Variants in GRAMD1A observed in about 807,000 individuals in gnomAD.
GRAMD1A encodes the protein GRAM domain containing 1A.
A neutral mutation model predicts 92.0 loss-of-function variants in GRAMD1A; 50 were observed. That is an observed-to-expected ratio of 0.54 (90% CI 0.43 to 0.69). The LOEUF (loss-of-function observed/expected upper bound fraction) is 0.69. GRAMD1A is among the 30% of genes least tolerant of loss of function. The pLI, the probability that GRAMD1A is intolerant of heterozygous loss-of-function variation, is 0.00. For synonymous variants in GRAMD1A, 405 were observed against 403.6 expected, an observed-to-expected ratio of 1.00 and a Z score of -0.04; for missense variants, 819 against 978.9, an observed-to-expected ratio of 0.84 and a Z score of 2.18.
At chr19:35,011,343 T>C (rs1053786272) in intron 6 of GRAMD1A, 131 bp from the exon 7 acceptor site, 2 of 775,226 alleles carry the variant, frequency 2.6e-6, no homozygotes, top group African/African-American at 1.7e-5. Flanking sequence ...GTGGAACTAA[T>C]GCAGGGGTGA....
chr19:35,013,649 C>G lies in GRAMD1A; in HGVS notation c.828C>G (p.Val276=), dbSNP rs1175216415. The stretch of plus-strand genomic sequence containing the variant: ...CAGTGGGTTCGCGCCGTGGCCATGT[C>G]ACGCCCAACCTTTCCCGAGCCAGCA... ...PSPVGSRRGH[V]TPNLSRASSD... Residue 276 remains valine, a synonymous_variant, in exon 9 of 20, where the codon GTC becomes GTG. Coordinates refer to ENST00000317991, the MANE Select transcript of GRAMD1A (RefSeq NM_020895.5). This position sits in a 1 kb window ranked among gnomAD's most constrained non-coding sequence, Gnocchi z 4.9. 1 of 1,613,260 alleles carries G rather than the reference C, an allele frequency of 6.2e-7. No homozygotes were observed. Among genetic ancestry groups the G allele is most frequent in the Admixed American group, 1.7e-5 (1 of 59,986 alleles).
intron 11 of GRAMD1A, among the ~76,000 whole-genome samples, chr19:35,017,185 G>T (rs1028341948): frequency 7.3e-5 from 11 of 150,788 alleles, no homozygotes; most frequent in African/African-American, 2.4e-4. Context: ...AAAAAAAAAT[G>T]CTCCTGAGGC....
intron 1 of GRAMD1A, among the ~76,000 whole-genome samples, chr19:35,004,703 A>G (rs1260797922): frequency 6.6e-6 from 1 of 152,046 alleles, no homozygotes; most frequent in Non-Finnish European, 1.5e-5. Context: ...AGTGCTTGTG[A>G]GGTCCCTGTC....
At chr19:35,024,740 A>G (rs1284271333) in intron 19 of GRAMD1A, among the ~76,000 whole-genome samples, 1 of 152,124 alleles carries the variant, frequency 6.6e-6, no homozygotes, top group Non-Finnish European at 1.5e-5. Context: ...ATGAAGGCTG[A>G]GGCCCCATCA....
chr19:35,010,041 G>A (rs541376800), intron 4 of GRAMD1A, 51 bp from the exon 5 acceptor site: 8 of 1,540,168 alleles, frequency 5.2e-6, no homozygotes, highest in South Asian at 1.1e-5. Flanking sequence ...CGCGGGCGCC[G>A]GCTGAGCCTC....
chr19:35,025,696 C>G (rs2016384401), intron 19 of GRAMD1A, among the ~76,000 whole-genome samples: 2 of 152,132 alleles, frequency 1.3e-5, no homozygotes, highest in Non-Finnish European at 2.9e-5. Flanking sequence ...TCTTCAGAAC[C>G]CTGAAATAAT....
intron 11 of GRAMD1A, among the ~76,000 whole-genome samples, chr19:35,017,411 C>T (rs2015720106): frequency 6.6e-6 from 1 of 152,134 alleles, no homozygotes; most frequent in Admixed American, 6.6e-5. Context: ...CACAAGGCAC[C>T]ATCTTCCTGA....
At chr19:35,008,918 C>T (rs1198376395) in intron 1 of GRAMD1A, among the ~76,000 whole-genome samples, 1 of 152,186 alleles carries the variant, frequency 6.6e-6, no homozygotes, top group Non-Finnish European at 1.5e-5. Context: ...ATTTATCATC[C>T]CTGGATTACT....
upstream of GRAMD1A, chr19:35,000,177 C>A: frequency 9.9e-7 from 1 of 1,011,064 alleles, no homozygotes; most frequent in South Asian, 4.6e-5. The surrounding 1 kb of genome is among the most constrained non-coding windows in gnomAD (Gnocchi z 4.9). Flanking sequence ...CTGTCCAGTC[C>A]CTCTCTCCCC....
chr19:35,014,262 C>T lies in GRAMD1A; in HGVS notation c.944C>T (p.Ala315Val). The change falls in exon 10 of 20, where the codon GCT becomes GTT. Residue 315 changes from alanine (A) to valine (V), a missense_variant. Physicochemically the swap from Ala to Val is moderately conservative, Grantham distance 64. Around this residue, in one of 3 missense-constraint regions of GRAMD1A, gnomAD observed 577 missense variants for 674.6 expected, o/e 0.86. Transcript: ENST00000317991. ...ASSSQTVTPV[A>V]EPPSTEPTQP... ...TCCAGCCAGACAGTGACCCCGGTGG[C>T]TGAACCCCCGAGCACAGAGCCCACC... 1 of 1,614,148 alleles carries T rather than the reference C, an allele frequency of 6.2e-7. No homozygotes were observed. Among genetic ancestry groups the T allele is most frequent in the South Asian group, 1.1e-5 (1 of 91,088 alleles).
At position 35,010,195 on chromosome 19, in the gene GRAMD1A, G is replaced by A. The variant is rs201993760; in HGVS notation, c.429G>A (p.Thr143=). 18 of 1,609,182 alleles carry A rather than the reference G, an allele frequency of 1.1e-5. No homozygotes were observed. Among genetic ancestry groups the A allele is most frequent in the Non-Finnish European group, 1.5e-5 (18 of 1,175,506 alleles). Residue 143 remains threonine (T), a splice_region_variant and synonymous_variant, in exon 5 of 20, where the codon ACG becomes ACA. Transcript: ENST00000317991. ...GCAACATCTTCCGCTGGGAGACCACGGTGAGCCCGCAGCGGGGCAGGGTAC... is the reference window on the plus strand; with the variant it reads ...GCAACATCTTCCGCTGGGAGACCACAGTGAGCCCGCAGCGGGGCAGGGTAC... ...FYSNIFRWET[T]ISIQLKEVTC... is the part of the protein sequence containing the mutation.
Position 35,000,456 on chromosome 19 carries a change from G to A in GRAMD1A, c.-23G>A. The A allele has an allele frequency of 1.8e-6, 2 of 1,100,520 alleles. No homozygotes were observed. The highest frequency in any genetic ancestry group is 6.2e-5 in the South Asian group (2 of 32,026). The allele number at this position is 1,100,520 out of a possible 1,614,324, so 68.2% of individuals were successfully genotyped here. A position where few individuals can be genotyped will look rare whatever the true frequency, so the allele number is the denominator to read the frequency against. Reference sequence around the variant, plus strand: ...CTGCCCTGCCCTGCCCTGCGCCCGGGGCGCGCCCACCGCGCCGCATCCATG... The same window carrying A: ...CTGCCCTGCCCTGCCCTGCGCCCGGAGCGCGCCCACCGCGCCGCATCCATG... On this transcript the variant is annotated 5_prime_UTR_variant, in exon 1 of 20. Transcript: ENST00000317991. The surrounding 1 kb of genome is among the most constrained non-coding windows in gnomAD (Gnocchi z 4.9).
chr19:35,009,073 G>C, intron 1 of GRAMD1A, 46 bp from the exon 2 acceptor site: 1 of 1,314,970 alleles, frequency 7.6e-7, no homozygotes, highest in Non-Finnish European at 1.1e-6. Flanking sequence ...CCGAATCCCA[G>C]CCTGTTTTTT....
Position 35,019,180 on chromosome 19 carries a change from C to T in GRAMD1A, c.1214-11C>T. On this transcript the variant is annotated splice_polypyrimidine_tract_variant and intron_variant, in intron 11 of 19. Coordinates refer to ENST00000317991, the MANE Select transcript of GRAMD1A (RefSeq NM_020895.5). ...GGTGTGGCCTCCTCATGCTGCTCCT[C>T]CCTCCTCTAGACGTGACGCTGAGCC... 4 of 1,574,548 alleles carry T rather than the reference C, an allele frequency of 2.5e-6. No homozygotes were observed. The highest frequency in any genetic ancestry group is 1.4e-5 in the African/African-American group (1 of 74,058).
Position 35,000,361 on chromosome 19 carries a change from C to T in GRAMD1A, c.-118C>T, listed in dbSNP as rs565580041. On this transcript the variant is annotated 5_prime_UTR_variant, in exon 1 of 20. Coordinates refer to ENST00000317991, the MANE Select transcript of GRAMD1A (RefSeq NM_020895.5). This position sits in a 1 kb window ranked among gnomAD's most constrained non-coding sequence, Gnocchi z 4.9. Reference sequence around the variant, plus strand: ...GGTTGGGTCGGGTGGGGGCGGCGGCCGCGGAAGGCCAGGCCGGTGCCCTGC... The same window carrying T: ...GGTTGGGTCGGGTGGGGGCGGCGGCTGCGGAAGGCCAGGCCGGTGCCCTGC... The T allele has an allele frequency of 0.041, 45,589 of 1,102,658 alleles. 1,035 individuals carry two copies. The highest frequency in any genetic ancestry group is 0.057 in the Admixed American group (1,119 of 19,776). The allele number at this position is 1,102,658 out of a possible 1,614,324, so 68.3% of individuals were successfully genotyped here.
chr19:35,026,223 C>T lies in GRAMD1A; in HGVS notation c.*82C>T, dbSNP rs1010053386. On this transcript the variant is annotated 3_prime_UTR_variant, in exon 20 of 20. Coordinates refer to ENST00000317991, the MANE Select transcript of GRAMD1A (RefSeq NM_020895.5). ...GCGGCCACTGCTGGCACGGTGTGAG[C>T]GCCAGGCATCTCCCACCCGCCCCTC... 1.2e-4 allele frequency: 93 copies of T among 756,128 alleles called. No homozygotes were observed. Among genetic ancestry groups the T allele is most frequent in the Non-Finnish European group, 1.8e-4 (77 of 429,028 alleles). The allele number at this position is 756,128 out of a possible 1,614,324, so 46.8% of individuals were successfully genotyped here. A position where few individuals can be genotyped will look rare whatever the true frequency, so the allele number is the denominator to read the frequency against.
In GRAMD1A at chr19:35,022,052, A is replaced by G; in HGVS notation, c.1841+14A>G. On this transcript the variant is annotated intron_variant, in intron 16 of 19. Coordinates refer to ENST00000317991, the MANE Select transcript of GRAMD1A (RefSeq NM_020895.5). ...CATCAGCATTGTGTGAGTAAGAGAC[A>G]GGAGCAGTGGCCACACAGGCCTGAA... 6.3e-7 allele frequency: 1 copy of G among 1,598,206 alleles called. No homozygotes were observed. Among genetic ancestry groups the G allele is most frequent in the South Asian group, 1.1e-5 (1 of 90,426 alleles).
upstream of GRAMD1A, among the ~76,000 whole-genome samples, chr19:34,996,518 G>C (rs2014042994): frequency 6.6e-6 from 1 of 152,210 alleles, no homozygotes; most frequent in Admixed American, 6.5e-5. Context: ...AGTAAGAGTG[G>C]AGGGGAAGCC....
upstream of GRAMD1A, among the ~76,000 whole-genome samples, chr19:34,998,916 T>C (rs1286578877): frequency 1.7e-5 from 2 of 119,906 alleles, no homozygotes; most frequent in South Asian, 5.8e-4. Flanking sequence ...GGATGGGGGG[T>C]GTGAGCCAGG....
Sources: allele counts gnomAD v4.1 joint callset (sites outside exome capture counted in the v4.1 genomes callset), GRCh38; gene constraint gnomAD v4.1.1; regional missense constraint gnomAD v4.1.1; non-coding constraint Gnocchi (gnomAD v3.1); transcripts MANE v1.5; gene names NCBI Gene and HGNC (gene_info 2026-07-23, HGNC 2026-07-21).